Variants in PRELP observed in about 807,000 individuals in gnomAD.
The protein encoded by PRELP is proline and arginine rich end leucine rich repeat protein.
Under a neutral mutation model 22.8 loss-of-function variants are expected in PRELP, and 16 were observed. The observed-to-expected ratio is 0.70, with a 90% CI of 0.47 to 1.06. The LOEUF is 1.06. Among genes scored for constraint, PRELP ranks in the 50% least tolerant of loss-of-function variants. The pLI is 0.00. For synonymous variants in PRELP, 233 were observed against 211.4 expected (o/e 1.10, Z -0.89); for missense variants, 434 against 485.2 (o/e 0.89, Z 0.99).
intron 1 of PRELP, among the ~76,000 whole-genome samples, chr1:203,479,706 C>CAAAAAAAAA (rs397844598): frequency 1.9e-5 from 1 of 52,514 alleles, no homozygotes; most frequent in Non-Finnish European, 3.5e-5. Flanking sequence ...CCTGTATCAC[C>CAAAAAAAAA]AAAAAAAAAA....
Position 203,486,774 on chromosome 1 carries a change from A to ACC in PRELP, c.1042_1043insCC (p.Asn348ThrfsTer16). ...CCATGACTTCTCCTCGGACCTGGAG[A>ACC]ACGTGCCACACCTGCGCTACCTGCG... On this transcript the variant is annotated frameshift_variant, in exon 3 of 3. Transcript: ENST00000343110. LOFTEE classifies it high-confidence loss of function. The ACC allele has an allele frequency of 6.2e-7, 1 of 1,614,066 alleles. No homozygotes were observed. The highest frequency in any genetic ancestry group is 1.1e-5 in the South Asian group (1 of 91,070).
chr1:203,481,800 G>A (rs926534908), intron 1 of PRELP, among the ~76,000 whole-genome samples: 8 of 152,170 alleles, frequency 5.3e-5, no homozygotes, highest in African/African-American at 1.7e-4. Flanking sequence ...CTGTTAAACA[G>A]CATCTTGGCC....
intron 2 of PRELP, 85 bp from the exon 3 acceptor site, chr1:203,486,621 C>A: frequency 3.0e-6 from 4 of 1,346,148 alleles, no homozygotes; most frequent in South Asian, 2.6e-5. Context: ...ACAGTCCTTG[C>A]TCTCGGGTGT....
chr1:203,483,723 A>G lies in PRELP; in HGVS notation c.539A>G (p.Gln180Arg), dbSNP rs1661048550. The change falls in exon 2 of 3, where the codon CAG becomes CGG. Residue 180 changes from glutamine (Q) to arginine (R), a missense_variant. Physicochemically the swap from Gln to Arg is conservative, Grantham distance 43. Transcript: ENST00000343110. The surrounding 1 kb of genome is among the most constrained non-coding windows in gnomAD (Gnocchi z 4.4). ...PRNLEQLRLS[Q>R]NHISRIPPGV... ...AACCTGGAGCAGCTGAGGCTGAGCC[A>G]GAACCACATCTCCAGAATCCCGCCT... The G allele has an allele frequency of 6.2e-7, 1 of 1,614,106 alleles. No homozygotes were observed. Among genetic ancestry groups the G allele is most frequent in the South Asian group, 1.1e-5 (1 of 91,088 alleles).
Position 203,488,668 on chromosome 1 carries a change from T to A in PRELP, c.*1787T>A, listed in dbSNP as rs183420715. On this transcript the variant is annotated 3_prime_UTR_variant, in exon 3 of 3. Coordinates refer to ENST00000343110, the MANE Select transcript of PRELP (RefSeq NM_002725.4). ...GCAGTAATTTATTTTCTGTATGGAC[T>A]GTCCCTCCCCCAGAGGCTTCCCCAC... is the stretch of plus-strand genomic sequence containing the variant. 5.9e-5 allele frequency: 9 copies of A among 152,346 alleles called. No individual in the cohort carries two copies. The highest frequency in any genetic ancestry group is 1.3e-4 in the Non-Finnish European group (9 of 68,048). The allele number at this position is 152,346 out of a possible 1,614,324, so 9.4% of individuals were successfully genotyped here. A position where few individuals can be genotyped will look rare whatever the true frequency, so the allele number is the denominator to read the frequency against.
intron 2 of PRELP, 130 bp from the exon 3 acceptor site, chr1:203,486,576 C>A: frequency 1.2e-6 from 1 of 824,358 alleles, no homozygotes; most frequent in Non-Finnish European, 1.9e-6. Flanking sequence ...TATGATCACA[C>A]ATTCCCAAAG....
chr1:203,477,973 G>A (rs1660940991), intron 1 of PRELP, among the ~76,000 whole-genome samples: 1 of 152,180 alleles, frequency 6.6e-6, no homozygotes, highest in Admixed American at 6.5e-5. Flanking sequence ...GCTCTGTGTG[G>A]AAGAGCTGGT....
intron 1 of PRELP, among the ~76,000 whole-genome samples, chr1:203,478,502 A>G (rs1014173033): frequency 3.9e-5 from 6 of 152,354 alleles, no homozygotes; most frequent in Non-Finnish European, 8.8e-5. Context: ...TGGTCTCTCC[A>G]TAATAGTGTT....
Position 203,483,643 on chromosome 1 carries a change from G to A in PRELP, c.459G>A (p.Val153=). Residue 153 remains valine, a synonymous_variant, in exon 2 of 3, where the codon GTG becomes GTA. Coordinates refer to ENST00000343110, the MANE Select transcript of PRELP (RefSeq NM_002725.4). This position sits in a 1 kb window ranked among gnomAD's most constrained non-coding sequence, Gnocchi z 4.4. The stretch of plus-strand genomic sequence containing the variant: ...TGCTGGAGAAACTGCCCGGCCTGGT[G>A]TTCCTCTACATGGAGAAGAACCAGT... ...QRVLEKLPGL[V]FLYMEKNQLE... 1 of 1,614,180 alleles carries A rather than the reference G, an allele frequency of 6.2e-7. No homozygotes were observed. The highest frequency in any genetic ancestry group is 2.2e-5 in the East Asian group (1 of 44,866).
chr1:203,487,451 G>C lies in PRELP; in HGVS notation c.*570G>C, dbSNP rs1394200546. 6.5e-6 allele frequency: 1 copy of C among 153,234 alleles called. No individual in the cohort carries two copies. The highest frequency in any genetic ancestry group is 1.5e-5 in the Non-Finnish European group (1 of 68,484). 9.5% of individuals were successfully genotyped at this position (153,234 alleles called of 1,614,324 possible). On this transcript the variant is annotated 3_prime_UTR_variant, in exon 3 of 3. Coordinates refer to ENST00000343110, the MANE Select transcript of PRELP (RefSeq NM_002725.4). ...CGGGTATCGGGAAGGAGGAGCGAGGGAATGACGGAGGTAGGGTGCAGGGTC... is the reference window on the plus strand; with the variant it reads ...CGGGTATCGGGAAGGAGGAGCGAGGCAATGACGGAGGTAGGGTGCAGGGTC...
rs984245410 is a variant in PRELP at position 203,487,165 on chromosome 1, T to C, written c.*284T>C. On this transcript the variant is annotated 3_prime_UTR_variant, in exon 3 of 3. Transcript: ENST00000343110. Reference sequence around the variant, plus strand: ...CAGAAACACAGATGTGTCTAAAGACTTGGTGTCCCCTTCTCTCTCCTCCCC... The same window carrying C: ...CAGAAACACAGATGTGTCTAAAGACCTGGTGTCCCCTTCTCTCTCCTCCCC... 7.1e-5 allele frequency: 24 copies of C among 340,230 alleles called. No homozygotes were observed. Among genetic ancestry groups the C allele is most frequent in the Non-Finnish European group, 1.2e-4 (22 of 185,102 alleles). 21.1% of individuals were successfully genotyped at this position (340,230 alleles called of 1,614,324 possible).
Position 203,486,777 on chromosome 1 carries a change from G to C in PRELP, c.1045G>C (p.Val349Leu). 1.9e-6 allele frequency: 3 copies of C among 1,614,046 alleles called. No homozygotes were observed. The highest frequency in any genetic ancestry group is 1.7e-6 in the Non-Finnish European group (2 of 1,179,922). The part of the protein sequence containing the change: ...FHDFSSDLEN[V>L]PHLRYLRLDG... ...TGACTTCTCCTCGGACCTGGAGAAC[G>C]TGCCACACCTGCGCTACCTGCGGCT... Residue 349 changes from valine (V) to leucine (L), a missense_variant, in exon 3 of 3, where the codon GTG becomes CTG. Transcript: ENST00000343110.
At chr1:203,478,246 G>A (rs1026206569) in intron 1 of PRELP, among the ~76,000 whole-genome samples, 1 of 152,148 alleles carries the variant, frequency 6.6e-6, no homozygotes, top group Non-Finnish European at 1.5e-5. Flanking sequence ...GCAGGATTGG[G>A]TCTCAGATCT....
At position 203,483,044 on chromosome 1, in the gene PRELP, C is replaced by T. The variant is rs1661031049; in HGVS notation, c.-16-125C>T. 1 of 778,976 alleles carries T rather than the reference C, an allele frequency of 1.3e-6. No individual in the cohort carries two copies. The highest frequency in any genetic ancestry group is 1.7e-5 in the African/African-American group (1 of 57,768). 48.3% of individuals were successfully genotyped at this position (778,976 alleles called of 1,614,324 possible). A position where few individuals can be genotyped will look rare whatever the true frequency, so the allele number is the denominator to read the frequency against. ...GTACAGGCAAACAAGGAGATGCTTC[C>T]ACAGCTCCCTGAGCTCTGCCCATCT... On this transcript the variant is annotated intron_variant, in intron 1 of 2. Transcript: ENST00000343110. The surrounding 1 kb of genome is among the most constrained non-coding windows in gnomAD (Gnocchi z 4.4).
chr1:203,482,570 G>A (rs899995282), intron 1 of PRELP, among the ~76,000 whole-genome samples: 8 of 127,208 alleles, frequency 6.3e-5, no homozygotes, highest in Non-Finnish European at 1.1e-4. Context: ...GTATGCCACT[G>A]TCCCACCAGC....
Position 203,487,061 on chromosome 1 carries a change from G to A in PRELP, c.*180G>A. Reference sequence around the variant, plus strand: ...GCAGCCTCAGGAGCGAGACTTCAAGGACTCAGTTTGGTTCCACCCAGTTGA... The same window carrying A: ...GCAGCCTCAGGAGCGAGACTTCAAGAACTCAGTTTGGTTCCACCCAGTTGA... On this transcript the variant is annotated 3_prime_UTR_variant, in exon 3 of 3. Coordinates refer to ENST00000343110, the MANE Select transcript of PRELP (RefSeq NM_002725.4). The A allele has an allele frequency of 4.2e-6, 3 of 711,172 alleles. No individual in the cohort carries two copies. The highest frequency in any genetic ancestry group is 6.6e-6 in the Non-Finnish European group (3 of 453,822). 44.1% of individuals were successfully genotyped at this position (711,172 alleles called of 1,614,324 possible). A position where few individuals can be genotyped will look rare whatever the true frequency, so the allele number is the denominator to read the frequency against.
rs1661144427 is a variant in PRELP at position 203,488,960 on chromosome 1, A to G, written c.*2079A>G. 6.6e-6 allele frequency: 1 copy of G among 152,384 alleles called. No homozygotes were observed. Among genetic ancestry groups the G allele is most frequent in the Non-Finnish European group, 1.5e-5 (1 of 68,044 alleles). The allele number at this position is 152,384 out of a possible 1,614,324, so 9.4% of individuals were successfully genotyped here. ...ATTAAGCTGGGTCCCTAACTTCAAG[A>G]AATTCCCATTATGCTCCTTCTCACC... On this transcript the variant is annotated 3_prime_UTR_variant, in exon 3 of 3. Transcript: ENST00000343110.
At chr1:203,481,022 G>A (rs999380826) in intron 1 of PRELP, among the ~76,000 whole-genome samples, 3 of 146,614 alleles carry the variant, frequency 2.0e-5, no homozygotes, top group African/African-American at 7.6e-5. Context: ...ACCCCGCCCC[G>A]CCCAGCACAG....
At chr1:203,485,586 C>G (rs1455439736) in intron 2 of PRELP, among the ~76,000 whole-genome samples, 1 of 152,212 alleles carries the variant, frequency 6.6e-6, no homozygotes, top group African/African-American at 2.4e-5. Flanking sequence ...CCACTCTTAC[C>G]ATTTCACAGA....
Sources: allele counts gnomAD v4.1 joint callset (sites outside exome capture counted in the v4.1 genomes callset), GRCh38; gene constraint gnomAD v4.1.1; non-coding constraint Gnocchi (gnomAD v3.1); transcripts MANE v1.5; gene names NCBI Gene and HGNC (gene_info 2026-07-23, HGNC 2026-07-21).